PCDH7: variants seen among roughly 807,000 people sequenced by gnomAD.
PCDH7 encodes the protein protocadherin-7.
A neutral mutation model predicts 58.9 loss-of-function variants in PCDH7; 17 were observed. The observed-to-expected ratio is 0.29, with a 90% confidence interval of 0.20 to 0.43. The LOEUF (loss-of-function observed/expected upper bound fraction) is 0.43, where lower values mean the gene tolerates loss of function less well. Among genes scored for constraint, PCDH7 ranks in the 20% least tolerant of loss-of-function variants. The probability of loss-of-function intolerance (pLI) is 1.00; values close to 1 mark genes in which losing one functional copy is unlikely to be tolerated. For synonymous variants in PCDH7, 664 were observed against 616.4 expected (o/e 1.08, Z -1.14); for missense variants, 1,274 against 1,441.0 (o/e 0.88, Z 1.88).
At chr4:30,806,430 G>A (rs190019550) in intron 1 of PCDH7, among the ~76,000 whole-genome samples, 8 of 151,826 alleles carry the variant, frequency 5.3e-5, no homozygotes, top group African/African-American at 1.9e-4. Context: ...TCAGCCTCCC[G>A]AGCAGCTGGG....
intron 3 of PCDH7, among the ~76,000 whole-genome samples, chr4:30,984,575 G>C (rs1750818541): frequency 6.6e-6 from 1 of 152,128 alleles, no homozygotes; most frequent in African/African-American, 2.4e-5. Context: ...TAAGATGACT[G>C]GTGCCCCAAA....
chr4:30,943,487 C>A (rs1746300178), intron 2 of PCDH7, among the ~76,000 whole-genome samples: 1 of 152,050 alleles, frequency 6.6e-6, no homozygotes, highest in South Asian at 2.1e-4. Context: ...GCAGTTTGAA[C>A]AAAATCTGTC....
chr4:30,927,823 C>T (rs1435727474), intron 2 of PCDH7, among the ~76,000 whole-genome samples: 1 of 149,298 alleles, frequency 6.7e-6, no homozygotes, highest in East Asian at 2.0e-4. Flanking sequence ...GCCAAATCCC[C>T]CTCTGCGAGA....
chr4:30,723,256 A>G lies in PCDH7; in HGVS notation c.1834A>G (p.Lys612Glu). ...CAGGTATGAGTTTAAAGTTAACGCCAAAGACAAAGGCATCCCCGTGCTGCA... is the reference window on the plus strand; with the variant it reads ...CAGGTATGAGTTTAAAGTTAACGCCGAAGACAAAGGCATCCCCGTGCTGCA... Residue 612 changes from lysine to glutamate, a missense_variant, in exon 1 of 2, where the codon AAA (lysine) becomes GAA (glutamate). Around this residue, in one of 3 missense-constraint regions of PCDH7, gnomAD observed 731 missense variants for 881.9 expected, o/e 0.83. Transcript: ENST00000361762. The surrounding 1 kb of genome is among the most constrained non-coding windows in gnomAD (Gnocchi z 4.6). 6.2e-7 allele frequency: 1 copy of G among 1,614,238 alleles called. No homozygotes were observed. Among genetic ancestry groups the G allele is most frequent in the Non-Finnish European group, 8.5e-7 (1 of 1,180,046 alleles).
intron 1 of PCDH7, among the ~76,000 whole-genome samples, chr4:30,900,516 G>T (rs894726199): frequency 1.3e-5 from 2 of 152,072 alleles, no homozygotes; most frequent in African/African-American, 4.8e-5. Context: ...TTTTAATTGG[G>T]CTAAGACACA....
rs774453716 is a variant in PCDH7, at chr4:30,723,275, T to C, written c.1853T>C (p.Val618Ala). ...AACGCCAAAGACAAAGGCATCCCCG[T>C]GCTGCAGGGCAGCACTACGGTGATT... The change falls in exon 1 of 2, where the codon GTG (valine) becomes GCG (alanine). Residue 618 changes from valine to alanine, a missense_variant. By Grantham distance (64) the Val-to-Ala change is moderately conservative. This residue lies in a region of PCDH7 where 731 missense variants were observed against 881.9 expected (regional missense o/e 0.83). Coordinates refer to ENST00000361762, the Ensembl canonical transcript of PCDH7. This position sits in a 1 kb window ranked among gnomAD's most constrained non-coding sequence, Gnocchi z 4.6. 1 of 1,614,198 alleles carries C rather than the reference T, an allele frequency of 6.2e-7. No homozygotes were observed. Among genetic ancestry groups the C allele is most frequent in the Non-Finnish European group, 8.5e-7 (1 of 1,180,032 alleles).
chr4:30,747,756 A>C (rs1238047466), intron 1 of PCDH7, among the ~76,000 whole-genome samples: 1 of 152,154 alleles, frequency 6.6e-6, no homozygotes, highest in African/African-American at 2.4e-5. Context: ...TAACATATTC[A>C]CAGGTTTCCT....
intron 3 of PCDH7, among the ~76,000 whole-genome samples, chr4:31,056,518 G>A (rs9683429): frequency 0.51 from 37,693 of 74,040 alleles, 8,341 homozygotes; most frequent in South Asian, 0.63. Context: ...AGAAAGAAAG[G>A]GGAAGGGAAG....
At chr4:30,866,183 A>T (rs184288321) in intron 1 of PCDH7, among the ~76,000 whole-genome samples, 6 of 152,156 alleles carry the variant, frequency 3.9e-5, no homozygotes, top group East Asian at 1.9e-4. Context: ...GCAAAATTTT[A>T]AAAAAGCTGG....
intron 1 of PCDH7, among the ~76,000 whole-genome samples, chr4:30,909,011 C>CA (rs1741367531): frequency 6.6e-6 from 1 of 152,108 alleles, no homozygotes; most frequent in Non-Finnish European, 1.5e-5. Flanking sequence ...CCCTGGGATG[C>CA]AAGGCTGGTT....
intron 1 of PCDH7, among the ~76,000 whole-genome samples, chr4:30,887,904 C>G (rs1209592975): frequency 6.8e-6 from 1 of 147,266 alleles, no homozygotes; most frequent in Non-Finnish European, 1.5e-5. Context: ...GAGATGGTGT[C>G]TTGCTATGTT....
chr4:30,790,016 A>G (rs902973149), intron 1 of PCDH7, among the ~76,000 whole-genome samples: 1 of 152,242 alleles, frequency 6.6e-6, no homozygotes, highest in Non-Finnish European at 1.5e-5. Context: ...AGAATCCATC[A>G]TTAGATTTGG....
At chr4:31,096,550 G>A (rs1714013242) in intron 3 of PCDH7, among the ~76,000 whole-genome samples, 1 of 152,174 alleles carries the variant, frequency 6.6e-6, no homozygotes, top group African/African-American at 2.4e-5. Context: ...GGGAGCCACA[G>A]CCTCAGAAGG....
intron 1 of PCDH7, among the ~76,000 whole-genome samples, chr4:30,748,584 A>G (rs188215916): frequency 2.6e-5 from 4 of 152,306 alleles, no homozygotes; most frequent in Admixed American, 2.6e-4. Flanking sequence ...TTGTGAGATG[A>G]ATATCCTTAT....
At chr4:30,877,439 TG>T (rs1385641764) in intron 1 of PCDH7, among the ~76,000 whole-genome samples, 2 of 152,166 alleles carry the variant, frequency 1.3e-5, no homozygotes, top group Non-Finnish European at 2.9e-5. Context: ...AAGAGGAAGT[TG>T]TAGCTATCAA....
intron 3 of PCDH7, among the ~76,000 whole-genome samples, chr4:30,952,743 A>C (rs1337325692): frequency 6.6e-6 from 1 of 152,164 alleles, no homozygotes; most frequent in Admixed American, 6.5e-5. Context: ...TGTACACTGT[A>C]TGTTTTTAGG....
intron 3 of PCDH7, among the ~76,000 whole-genome samples, chr4:31,083,055 C>T (rs1245148692): frequency 4.6e-5 from 7 of 152,178 alleles, no homozygotes; most frequent in African/African-American, 1.2e-4. Flanking sequence ...TTGCAATGAG[C>T]GGAGATTGCG....
chr4:31,100,343 G>T (rs2109299576), intron 3 of PCDH7, among the ~76,000 whole-genome samples: 1 of 152,228 alleles, frequency 6.6e-6, no homozygotes, highest in South Asian at 2.1e-4. Flanking sequence ...AAATGTAAAA[G>T]AATGACCACA....
intron 3 of PCDH7, among the ~76,000 whole-genome samples, chr4:30,970,388 G>A (rs886585584): frequency 3.3e-5 from 5 of 151,540 alleles, no homozygotes; most frequent in Non-Finnish European, 5.9e-5. Flanking sequence ...TCCCCCTGCC[G>A]TGTTCACGCC....
Sources: allele counts gnomAD v4.1 joint callset (sites outside exome capture counted in the v4.1 genomes callset), GRCh38; gene constraint gnomAD v4.1.1; regional missense constraint gnomAD v4.1.1; non-coding constraint Gnocchi (gnomAD v3.1); transcripts MANE v1.5; gene names NCBI Gene and HGNC (gene_info 2026-07-23, HGNC 2026-07-21).